Variants in ZNF548 observed in about 807,000 individuals in gnomAD.
ZNF548 encodes zinc finger protein 548.
A neutral mutation model predicts 10.2 loss-of-function variants in ZNF548; 10 were observed. The ratio of observed to expected loss-of-function variants is 0.98; its 90% CI spans 0.60 to 1.66. ZNF548 has a LOEUF of 1.66. Among genes scored for constraint, ZNF548 ranks in the 40% most tolerant of loss-of-function variants. The pLI, the probability that ZNF548 is intolerant of heterozygous loss-of-function variation, is 0.00. For missense variants in ZNF548, 599 were observed against 657.0 expected (o/e 0.91, Z 0.97); for synonymous variants, 217 against 223.5 (o/e 0.97, Z 0.26).
At chr19:57,390,155 C>T in intron 1 of ZNF548, 41 bp downstream of exon 1, 1 of 1,603,094 alleles carries the variant, frequency 6.2e-7, no homozygotes, top group Non-Finnish European at 8.5e-7. Context: ...GACCGGTCCT[C>T]CCAGTGCTGA....
In ZNF548 at chr19:57,395,308, G is replaced by A. The variant is rs2088656994; in HGVS notation, c.51+1085G>A. ...GGAGAGTGGACATGATGGGGTTGCT[G>A]AGGGGGGATAATAGGGTGAGGTCGG... On this transcript the variant is annotated intron_variant, in intron 2 of 3. Transcript: ENST00000336128. This position sits in a 1 kb window ranked among gnomAD's most constrained non-coding sequence, Gnocchi z 4.8. Among the ~76,000 whole-genome samples the A allele has an allele frequency of 6.6e-6, 1 of 152,162 alleles. No individual in the cohort carries two copies. Among genetic ancestry groups the A allele is most frequent in the Non-Finnish European group, 1.5e-5 (1 of 68,026 alleles).
In ZNF548 at chr19:57,393,986, A is replaced by G. The variant is rs139760375; in HGVS notation, c.16-202A>G. The G allele has an allele frequency of 1.5e-3, 974 of 643,338 alleles. 2 individuals carry two copies. The highest frequency in any genetic ancestry group is 2.2e-3 in the Non-Finnish European group (809 of 364,774). 39.9% of individuals were successfully genotyped at this position (643,338 alleles called of 1,614,324 possible). A position where few individuals can be genotyped will look rare whatever the true frequency, so the allele number is the denominator to read the frequency against. On this transcript the variant is annotated intron_variant, in intron 1 of 3. Coordinates refer to ENST00000336128, the MANE Select transcript of ZNF548 (RefSeq NM_001172773.2). ...GAGGGGGCAGCTATTCTTGCAATCT[A>G]TTTACAGATGGAGACACTGAAGCTC...
chr19:57,392,017 T>C (rs1433276106), intron 1 of ZNF548, among the ~76,000 whole-genome samples: 3 of 152,138 alleles, frequency 2.0e-5, no homozygotes, highest in African/African-American at 7.2e-5. Flanking sequence ...CAGGCTGGTC[T>C]TGAACTCCTG....
intron 1 of ZNF548, 125 bp from the exon 2 acceptor site, chr19:57,394,063 A>G: frequency 1.9e-6 from 2 of 1,034,848 alleles, no homozygotes; most frequent in Non-Finnish European, 2.9e-6. Context: ...CTGAGGCCTG[A>G]GGAACTTTAT....
At chr19:57,396,922 A>C in intron 2 of ZNF548, 126 bp from the exon 3 acceptor site, 1 of 1,381,624 alleles carries the variant, frequency 7.2e-7, no homozygotes, top group East Asian at 2.4e-5. Context: ...GGGAGATGGA[A>C]ACACATTTGG....
Position 57,397,069 on chromosome 19 carries a change from G to A in ZNF548, c.73G>A (p.Val25Met), listed in dbSNP as rs1337307446. Reference sequence around the variant, plus strand: ...GCAGGGCCGTGTGGTCTTTGAGGACGTGGCCATATATTTCTCCCAGGAGGA... The same window carrying A: ...GCAGGGCCGTGTGGTCTTTGAGGACATGGCCATATATTTCTCCCAGGAGGA... ...PTQGRVVFED[V>M]AIYFSQEEWG... The change falls in exon 3 of 4, where the codon GTG (valine) becomes ATG (methionine). Residue 25 changes from valine (V) to methionine (M), a missense_variant. Transcript: ENST00000336128. The A allele has an allele frequency of 3.7e-6, 6 of 1,612,264 alleles. No homozygotes were observed. The highest frequency in any genetic ancestry group is 2.2e-5 in the East Asian group (1 of 44,808).
intron 2 of ZNF548, 104 bp from the exon 3 acceptor site, chr19:57,396,944 G>T: frequency 2.7e-6 from 4 of 1,471,950 alleles, no homozygotes; most frequent in Non-Finnish European, 3.6e-6. Flanking sequence ...TGTTAGTTTG[G>T]CCCTGTGTTT....
Position 57,398,457 on chromosome 19 carries a change from A to G in ZNF548, c.206A>G (p.Glu69Gly), listed in dbSNP as rs201259658. The change falls in exon 4 of 4, where the codon GAG (glutamate) becomes GGG (glycine). Residue 69 changes from glutamate to glycine, a missense_variant. Glu to Gly is a moderately conservative substitution (Grantham distance 98, BLOSUM62 -2). Transcript: ENST00000336128. ...TCTTGGCATGGAGCTGAGGATGAGGAGGCACCTTCACAGCAAGGTTTTTCT... is the reference window on the plus strand; with the variant it reads ...TCTTGGCATGGAGCTGAGGATGAGGGGGCACCTTCACAGCAAGGTTTTTCT... ...LGSWHGAEDE[E>G]APSQQGFSVG... 1 of 1,613,978 alleles carries G rather than the reference A, an allele frequency of 6.2e-7. No homozygotes were observed. Among genetic ancestry groups the G allele is most frequent in the African/African-American group, 1.3e-5 (1 of 75,048 alleles).
In ZNF548 at chr19:57,399,145, T is replaced by G. The variant is rs969246568; in HGVS notation, c.894T>G (p.Cys298Trp). ...TGERPYECNT[C>W]GKFFRYSSTF... ...AAAGGCCTTATGAGTGCAACACATG[T>G]GGGAAATTCTTTCGGTACAGCTCCA... The change falls in exon 4 of 4, where the codon TGT (cysteine) becomes TGG (tryptophan). Residue 298 changes from cysteine (C) to tryptophan (W), a missense_variant. Cys to Trp is a radical substitution (Grantham distance 215, BLOSUM62 -2). Transcript: ENST00000336128. This position sits in a 1 kb window ranked among gnomAD's most constrained non-coding sequence, Gnocchi z 4.0. 1 of 1,613,990 alleles carries G rather than the reference T, an allele frequency of 6.2e-7. No individual in the cohort carries two copies. The highest frequency in any genetic ancestry group is 1.1e-5 in the South Asian group (1 of 91,076).
Position 57,397,095 on chromosome 19 carries a change from G to A in ZNF548, c.99G>A (p.Glu33=), listed in dbSNP as rs1230710523. The change falls in exon 3 of 4, where the codon GAG becomes GAA. Residue 33 remains glutamate, a synonymous_variant. Coordinates refer to ENST00000336128, the MANE Select transcript of ZNF548 (RefSeq NM_001172773.2). The part of the protein sequence containing the change: ...EDVAIYFSQE[E]WGHLDEAQRL... ...TGGCCATATATTTCTCCCAGGAGGA[G>A]TGGGGGCACCTTGATGAGGCTCAGA... 1.2e-6 allele frequency: 2 copies of A among 1,613,638 alleles called. No homozygotes were observed. Among genetic ancestry groups the A allele is most frequent in the Non-Finnish European group, 1.7e-6 (2 of 1,179,800 alleles).
rs2088722810 is a variant in ZNF548 at position 57,402,214 on chromosome 19, T to C, written c.*2325T>C. ...CAAAATCATTTGTCCATATATGCCA[T>C]GGTTTATATGTGGATTCTCTATTTT... On this transcript the variant is annotated 3_prime_UTR_variant, in exon 4 of 4. Transcript: ENST00000336128. 1 of 152,202 alleles carries C rather than the reference T, an allele frequency of 6.6e-6. No individual in the cohort carries two copies. Among genetic ancestry groups the C allele is most frequent in the Non-Finnish European group, 1.5e-5 (1 of 68,032 alleles). 9.4% of individuals were successfully genotyped at this position (152,202 alleles called of 1,614,324 possible). A position where few individuals can be genotyped will look rare whatever the true frequency, so the allele number is the denominator to read the frequency against.
rs145180289 is a variant in ZNF548 at position 57,396,108 on chromosome 19, T to G, written c.52-940T>G. On this transcript the variant is annotated intron_variant, in intron 2 of 3. Transcript: ENST00000336128. ...AAATGCCTGTGGTGTGGGCTGGGAG[T>G]TGTCTGTGGAATTGACTGGAGTGGA... 5.3e-4 allele frequency among the ~76,000 whole-genome samples: 80 copies of G among 151,784 alleles called. 2 individuals are homozygous for G. The East Asian group carries it at 0.011, about 21-fold the overall frequency.
At chr19:57,394,076 A>T in intron 1 of ZNF548, 112 bp from the exon 2 acceptor site, 1 of 1,178,778 alleles carries the variant, frequency 8.5e-7, no homozygotes, top group Non-Finnish European at 1.2e-6. Flanking sequence ...AACTTTATTC[A>T]ATGAATTGAG....
Position 57,395,750 on chromosome 19 carries a change from A to G in ZNF548, c.52-1298A>G, listed in dbSNP as rs2088660465. Among the ~76,000 whole-genome samples, 1 of 152,142 alleles carries G rather than the reference A, an allele frequency of 6.6e-6. No homozygotes were observed. Among genetic ancestry groups the G allele is most frequent in the East Asian group, 1.9e-4 (1 of 5,200 alleles). ...GATTTGGGTGGGGACACAGAGCCAA[A>G]CCATATCAGGAGTGGAAATATGGAG... On this transcript the variant is annotated intron_variant, in intron 2 of 3. Transcript: ENST00000336128. This position sits in a 1 kb window ranked among gnomAD's most constrained non-coding sequence, Gnocchi z 4.8.
At position 57,401,649 on chromosome 19, in the gene ZNF548, A is replaced by T. The variant is rs76636277; in HGVS notation, c.*1760A>T. The stretch of plus-strand genomic sequence containing the variant: ...ACCTGGGCTTTTGATGTTATATATT[A>T]AAAAAAATTAGTATCAAATCCAATG... On this transcript the variant is annotated 3_prime_UTR_variant, in exon 4 of 4. Coordinates refer to ENST00000336128, the MANE Select transcript of ZNF548 (RefSeq NM_001172773.2). 2 of 151,964 alleles carry T rather than the reference A, an allele frequency of 1.3e-5. No individual in the cohort carries two copies. Among genetic ancestry groups the T allele is most frequent in the Admixed American group, 6.6e-5 (1 of 15,258 alleles). 9.4% of individuals were successfully genotyped at this position (151,964 alleles called of 1,614,324 possible).
At chr19:57,393,613 C>T (rs12608748) in intron 1 of ZNF548, among the ~76,000 whole-genome samples, 139,072 of 148,556 alleles carry the variant, frequency 0.94, 65,194 homozygotes, top group Middle Eastern at 0.98. Flanking sequence ...TGAGCCAAGA[C>T]CACGCCATTG....
chr19:57,391,775 G>GCC (rs2088626811), intron 1 of ZNF548, among the ~76,000 whole-genome samples: 1 of 145,788 alleles, frequency 6.9e-6, no homozygotes, highest in Non-Finnish European at 1.5e-5. Flanking sequence ...AAAAATGTCT[G>GCC]CCCTGTGCTT....
chr19:57,401,453 GATA>G lies in ZNF548; in HGVS notation c.*1567_*1569del, dbSNP rs2088716162. On this transcript the variant is annotated 3_prime_UTR_variant, in exon 4 of 4. Transcript: ENST00000336128. Reference sequence around the variant, plus strand: ...TATTAGAAGTTATAAATAACCTAATGATAATCTATATAGGAAGATGTGTGTAGG... The same window carrying G: ...TATTAGAAGTTATAAATAACCTAATGATCTATATAGGAAGATGTGTGTAGG... 1 of 152,084 alleles carries G rather than the reference GATA, an allele frequency of 6.6e-6. No homozygotes were observed. Among genetic ancestry groups the G allele is most frequent in the African/African-American group, 2.4e-5 (1 of 41,398 alleles). 9.4% of individuals were successfully genotyped at this position (152,084 alleles called of 1,614,324 possible). A position where few individuals can be genotyped will look rare whatever the true frequency, so the allele number is the denominator to read the frequency against.
Position 57,402,895 on chromosome 19 carries a change from C to G in ZNF548, c.*3006C>G, listed in dbSNP as rs961239980. The G allele has an allele frequency of 9.2e-5, 14 of 152,172 alleles. No individual in the cohort carries two copies. The highest frequency in any genetic ancestry group is 3.1e-4 in the African/African-American group (13 of 41,442). The allele number at this position is 152,172 out of a possible 1,614,324, so 9.4% of individuals were successfully genotyped here. A position where few individuals can be genotyped will look rare whatever the true frequency, so the allele number is the denominator to read the frequency against. On this transcript the variant is annotated 3_prime_UTR_variant, in exon 4 of 4. Coordinates refer to ENST00000336128, the MANE Select transcript of ZNF548 (RefSeq NM_001172773.2). ...CTGGGGCCTTTCCCAGAGTTATGCC[C>G]CTGCCAGTGCCTATTTAAAAATGTC...
Sources: allele counts gnomAD v4.1 joint callset (sites outside exome capture counted in the v4.1 genomes callset), GRCh38; gene constraint gnomAD v4.1.1; non-coding constraint Gnocchi (gnomAD v3.1); transcripts MANE v1.5; gene names NCBI Gene and HGNC (gene_info 2026-07-23, HGNC 2026-07-21).